TSPAN31: variants seen among roughly 807,000 people sequenced by gnomAD.
TSPAN31 encodes tetraspanin 31, also known as tetraspanin-31.
TSPAN31 carries 16 observed loss-of-function variants against 24.8 expected under a neutral mutation model. The ratio of observed to expected loss-of-function variants is 0.64; its 90% CI spans 0.44 to 0.98. TSPAN31 has a LOEUF of 0.98. Among genes scored for constraint, TSPAN31 ranks in the 50% least tolerant of loss-of-function variants. TSPAN31 has a pLI of 0.00. For missense variants in TSPAN31, 209 were observed against 251.6 expected (o/e 0.83, Z 1.15); for synonymous variants, 87 against 91.4 (o/e 0.95, Z 0.27).
Position 57,749,101 on chromosome 12 carries a change from A to C in TSPAN31, c.*1811A>C. On this transcript the variant is annotated 3_prime_UTR_variant, in exon 6 of 6. Transcript: ENST00000257910. ...CTACCAACCAAGTTTCATTAACCAC[A>C]GTGGCCAGGGCCCTGCATACTGCTC... The C allele has an allele frequency of 6.4e-7, 1 of 1,553,930 alleles. No homozygotes were observed. Among genetic ancestry groups the C allele is most frequent in the Non-Finnish European group, 8.9e-7 (1 of 1,125,292 alleles).
At chr12:57,746,356 C>A in intron 3 of TSPAN31, 100 bp downstream of exon 3, 1 of 1,219,854 alleles carries the variant, frequency 8.2e-7, no homozygotes, top group South Asian at 1.2e-5. Context: ...AAAGATCATC[C>A]TTAGGTGCAC....
intron 2 of TSPAN31, 122 bp from the exon 3 acceptor site, chr12:57,746,054 C>T (rs919439569): frequency 4.2e-6 from 6 of 1,441,114 alleles, no homozygotes; most frequent in Non-Finnish European, 5.7e-6. Flanking sequence ...GAAACAAGAG[C>T]TGATTTTATT....
In TSPAN31 at chr12:57,748,705, TTTC is replaced by T. The variant is rs145025938; in HGVS notation, c.*1418_*1420del. The T allele has an allele frequency of 1.3e-3, 1,202 of 911,360 alleles. 2 individuals carry two copies. The highest frequency in any genetic ancestry group is 1.9e-3 in the Non-Finnish European group (1,046 of 562,144). 56.5% of individuals were successfully genotyped at this position (911,360 alleles called of 1,614,324 possible). ...ATACCTGGGATGAGCTTTCTTCTTTTTTCTTTTTTTTTTTTTTTGAGACGGAGT... is the reference window on the plus strand; with the variant it reads ...ATACCTGGGATGAGCTTTCTTCTTTTTTTTTTTTTTTTTTTGAGACGGAGT... On this transcript the variant is annotated 3_prime_UTR_variant, in exon 6 of 6. Coordinates refer to ENST00000257910, the MANE Select transcript of TSPAN31 (RefSeq NM_005981.5).
rs1419720660 is a variant in TSPAN31, at chr12:57,749,642, G to A, written c.*2352G>A. 6.1e-6 allele frequency: 5 copies of A among 820,522 alleles called. No individual in the cohort carries two copies. In the Admixed American group the frequency reaches 8.0e-5, roughly 13 times the overall value. The allele number at this position is 820,522 out of a possible 1,614,324, so 50.8% of individuals were successfully genotyped here. On this transcript the variant is annotated 3_prime_UTR_variant, in exon 6 of 6. Coordinates refer to ENST00000257910, the MANE Select transcript of TSPAN31 (RefSeq NM_005981.5). ...AGCACTTTGGGATGCTGAGGTGAGA[G>A]GACTGCTTGAGCCCAGGAGTTCTAG...
Position 57,745,111 on chromosome 12 carries a change from C to G in TSPAN31, c.-44C>G, listed in dbSNP as rs745695343. On this transcript the variant is annotated 5_prime_UTR_variant, in exon 1 of 6. Transcript: ENST00000257910. ...CCTGGAAGACGGTCCCCAATACCCTCCCCCCAAGTCCTTGGGACCACTTGG... is the reference window on the plus strand; with the variant it reads ...CCTGGAAGACGGTCCCCAATACCCTGCCCCCAAGTCCTTGGGACCACTTGG... The G allele has an allele frequency of 5.9e-5, 91 of 1,548,932 alleles. No homozygotes were observed. The highest frequency in any genetic ancestry group is 7.1e-5 in the Non-Finnish European group (81 of 1,138,730).
chr12:57,746,502 T>C, intron 3 of TSPAN31, 87 bp from the exon 4 acceptor site: 1 of 1,536,250 alleles, frequency 6.5e-7, no homozygotes, highest in Non-Finnish European at 9.0e-7. Context: ...TCTGTTTGAC[T>C]TCCTTTGCTG....
Position 57,746,168 on chromosome 12 carries a change from CCT to C in TSPAN31, c.232-4_232-3del. 1 of 1,612,742 alleles carries C rather than the reference CCT, an allele frequency of 6.2e-7. No individual in the cohort carries two copies. On this transcript the variant is annotated splice_region_variant and splice_polypyrimidine_tract_variant and intron_variant, in intron 2 of 5. Transcript: ENST00000257910. ...TCTAGGACTTTTTTCCATAACCTTT[CCT>C]CTCAGTACATGATCATCCTTGGTTT...
rs786202902 is a variant in TSPAN31 at position 57,749,196 on chromosome 12, C to T, written c.*1906C>T. The T allele has an allele frequency of 6.2e-7, 1 of 1,614,024 alleles. No individual in the cohort carries two copies. The highest frequency in any genetic ancestry group is 8.5e-7 in the Non-Finnish European group (1 of 1,179,870). On this transcript the variant is annotated 3_prime_UTR_variant, in exon 6 of 6. Coordinates refer to ENST00000257910, the MANE Select transcript of TSPAN31 (RefSeq NM_005981.5). ...ATCTCCAGTACCAGCAGCAGCTGTG[C>T]TCCCGACTCCTCCATCTCAGGTACC...
Position 57,747,549 on chromosome 12 carries a change from G to A in TSPAN31, c.*259G>A. The A allele has an allele frequency of 9.7e-6, 4 of 412,018 alleles. No individual in the cohort carries two copies. In the South Asian group the frequency reaches 1.3e-4, roughly 13 times the overall value. The allele number at this position is 412,018 out of a possible 1,614,324, so 25.5% of individuals were successfully genotyped here. A position where few individuals can be genotyped will look rare whatever the true frequency, so the allele number is the denominator to read the frequency against. On this transcript the variant is annotated 3_prime_UTR_variant, in exon 6 of 6. Coordinates refer to ENST00000257910, the MANE Select transcript of TSPAN31 (RefSeq NM_005981.5). ...AGCTTCTGTGAGTGCATAGGATGGG[G>A]GCTGGAGTCATTCTTAGCTGTTTCC...
rs59185470 is a variant in TSPAN31 at position 57,748,221 on chromosome 12, T to TAA, written c.*944_*945dup. 364 of 324,872 alleles carry TAA rather than the reference T, an allele frequency of 1.1e-3. No homozygotes were observed. Among genetic ancestry groups the TAA allele is most frequent in the South Asian group, 2.0e-3 (53 of 26,498 alleles). The allele number at this position is 324,872 out of a possible 1,614,324, so 20.1% of individuals were successfully genotyped here. A position where few individuals can be genotyped will look rare whatever the true frequency, so the allele number is the denominator to read the frequency against. On this transcript the variant is annotated 3_prime_UTR_variant, in exon 6 of 6. Coordinates refer to ENST00000257910, the MANE Select transcript of TSPAN31 (RefSeq NM_005981.5). ...CAAAGCCAAACAGAGGAAGAAACATTAAAAAAAAAAAAAAGACCATTATTT... is the reference window on the plus strand; with the variant it reads ...CAAAGCCAAACAGAGGAAGAAACATTAAAAAAAAAAAAAAAAGACCATTATTT...
In TSPAN31 at chr12:57,748,010, G is replaced by A. The variant is rs1199883561; in HGVS notation, c.*720G>A. 4.3e-6 allele frequency: 1 copy of A among 233,072 alleles called. No homozygotes were observed. Among genetic ancestry groups the A allele is most frequent in the Non-Finnish European group, 8.5e-6 (1 of 117,062 alleles). The allele number at this position is 233,072 out of a possible 1,614,324, so 14.4% of individuals were successfully genotyped here. On this transcript the variant is annotated 3_prime_UTR_variant, in exon 6 of 6. Coordinates refer to ENST00000257910, the MANE Select transcript of TSPAN31 (RefSeq NM_005981.5). ...ACCCGCGTTGGCCTCCCAACGTGCT[G>A]GGATTATAGGCGTGAGCCACCACGC...
rs748119139 is a variant in TSPAN31, at chr12:57,745,725, A to G, written c.64-20A>G. ...CCGCATGCTAGAATTGTTGAGATGT[A>G]TCCTGCTCTTTCTTCGTAGCTGGTG... On this transcript the variant is annotated intron_variant, in intron 1 of 5. Coordinates refer to ENST00000257910, the MANE Select transcript of TSPAN31 (RefSeq NM_005981.5). 1.9e-6 allele frequency: 3 copies of G among 1,613,876 alleles called. No homozygotes were observed. The South Asian group carries it at 3.3e-5, about 18-fold the overall frequency.
At chr12:57,746,028 C>G in intron 2 of TSPAN31, 116 bp downstream of exon 2, 4 of 1,461,026 alleles carry the variant, frequency 2.7e-6, no homozygotes, top group Non-Finnish European at 3.7e-6. Flanking sequence ...TTGCCCTGCC[C>G]TGTCCCATAA....
At chr12:57,745,556 C>A in intron 1 of TSPAN31, 189 bp from the exon 2 acceptor site, 1 of 688,198 alleles carries the variant, frequency 1.5e-6, no homozygotes, top group East Asian at 2.7e-5. Context: ...CCCCTCCCCG[C>A]CATCCTAGCC....
rs373442519 is a variant in TSPAN31 at position 57,748,507 on chromosome 12, T to A, written c.*1217T>A. On this transcript the variant is annotated 3_prime_UTR_variant, in exon 6 of 6. Transcript: ENST00000257910. ...GAAATGGCAGCTTTTCTTCCTTCCA[T>A]GGCAGCCACTCCATTGCTCACTCCG... 6.3e-7 allele frequency: 1 copy of A among 1,575,972 alleles called. No homozygotes were observed. Among genetic ancestry groups the A allele is most frequent in the African/African-American group, 1.4e-5 (1 of 74,056 alleles).
In TSPAN31 at chr12:57,749,383, G is replaced by C. The variant is rs2140383484; in HGVS notation, c.*2093G>C. The C allele has an allele frequency of 6.2e-7, 1 of 1,613,174 alleles. No individual in the cohort carries two copies. Reference sequence around the variant, plus strand: ...GTTCCCATCCCCATGGGCAGAGCCAGTTGCCATCCTGGGTTCAGCAGAAAG... The same window carrying C: ...GTTCCCATCCCCATGGGCAGAGCCACTTGCCATCCTGGGTTCAGCAGAAAG... On this transcript the variant is annotated 3_prime_UTR_variant, in exon 6 of 6. Transcript: ENST00000257910.
intron 3 of TSPAN31, 161 bp from the exon 4 acceptor site, chr12:57,746,425 GGAT>G (rs1955152220): frequency 8.7e-7 from 1 of 1,152,280 alleles, no homozygotes. Flanking sequence ...TTTTCCATGA[GGAT>G]GATCTAGAGA....
In TSPAN31 at chr12:57,745,854, T is replaced by C; in HGVS notation, c.173T>C (p.Leu58Pro). ...GVIAVGVFLLLIAVAGLVGAV... is the reference protein window; with the variant it reads ...GVIAVGVFLLPIAVAGLVGAV... ...ATTGCTGTGGGAGTCTTCCTTCTCC[T>C]TATTGCAGTGGCTGGACTGGTGGGT... The change falls in exon 2 of 6, where the codon CTT (leucine) becomes CCT (proline). Residue 58 changes from leucine to proline, a missense_variant. Transcript: ENST00000257910. The C allele has an allele frequency of 6.2e-7, 1 of 1,613,994 alleles. No individual in the cohort carries two copies. The highest frequency in any genetic ancestry group is 8.5e-7 in the Non-Finnish European group (1 of 1,179,964).
At position 57,749,536 on chromosome 12, in the gene TSPAN31, A is replaced by G; in HGVS notation, c.*2246A>G. 6.2e-7 allele frequency: 1 copy of G among 1,603,388 alleles called. No individual in the cohort carries two copies. Among genetic ancestry groups the G allele is most frequent in the African/African-American group, 1.3e-5 (1 of 74,800 alleles). ...TGAGAAGGGATATAAGGTAGCAGTC[A>G]TTTTCAAAGATATCTTAGTTGAATG... On this transcript the variant is annotated 3_prime_UTR_variant, in exon 6 of 6. Transcript: ENST00000257910.
Sources: allele counts gnomAD v4.1 joint callset, GRCh38; gene constraint gnomAD v4.1.1; transcripts MANE v1.5; gene names NCBI Gene and HGNC (gene_info 2026-07-23, HGNC 2026-07-21).